DDX6: variants seen among roughly 807,000 people sequenced by gnomAD.
DDX6 encodes probable ATP-dependent RNA helicase DDX6.
DDX6 carries 7 observed loss-of-function variants against 60.6 expected under a neutral mutation model. That is an observed-to-expected ratio of 0.12 (90% CI 0.07 to 0.22). The LOEUF is 0.22. DDX6 is among the 10% of genes least tolerant of loss of function. The pLI, the probability that DDX6 is intolerant of heterozygous loss-of-function variation, is 1.00. For missense variants in DDX6, 270 were observed against 589.9 expected (o/e 0.46, Z 5.62); for synonymous variants, 207 against 201.0 (o/e 1.03, Z -0.25).
rs1860752287 is a variant in DDX6, at chr11:118,751,103, C to CTTAT, written c.*998_*1001dup. On this transcript the variant is annotated 3_prime_UTR_variant, in exon 14 of 14. Transcript: ENST00000534980. ...TATATATATGAACCCAGAAAAAAAA[C>CTTAT]TTATTTACAAAGTTATACAAGTATA... is the stretch of plus-strand genomic sequence containing the variant. The CTTAT allele has an allele frequency of 1.5e-4, 1 of 6,480 alleles. No homozygotes were observed. The highest frequency in any genetic ancestry group is 2.2e-3 in the Admixed American group (1 of 450). The allele number at this position is 6,480 out of a possible 1,614,324, so 0.4% of individuals were successfully genotyped here.
rs113538954 is a variant in DDX6 at position 118,783,138 on chromosome 11, T to C, written c.201-1954A>G. Reference sequence around the variant, plus strand: ...AAGTATTAGAAGTGTTCTGAGACACTTGATGGGATCTAGAGGACTTCATGG... The same window carrying C: ...AAGTATTAGAAGTGTTCTGAGACACCTGATGGGATCTAGAGGACTTCATGG... On this transcript the variant is annotated intron_variant, in intron 2 of 13. Coordinates refer to ENST00000534980, the MANE Select transcript of DDX6 (RefSeq NM_004397.6). Among the ~76,000 whole-genome samples the C allele has an allele frequency of 7.6e-3, 1,152 of 152,132 alleles. 14 individuals are homozygous for C. Among genetic ancestry groups the C allele is most frequent in the African/African-American group, 0.026 (1,092 of 41,534 alleles).
intron 4 of DDX6, among the ~76,000 whole-genome samples, 177 bp downstream of exon 4, chr11:118,779,455 G>A (rs550809312): frequency 5.9e-5 from 9 of 152,158 alleles, no homozygotes; most frequent in African/African-American, 1.2e-4. Flanking sequence ...AATACACACC[G>A]AAATATTTAG....
chr11:118,784,552 G>A (rs1451701186), intron 2 of DDX6, among the ~76,000 whole-genome samples: 1 of 151,272 alleles, frequency 6.6e-6, no homozygotes, highest in Non-Finnish European at 1.5e-5. Flanking sequence ...TCCACCTCTC[G>A]GGTTCAAGTG....
chr11:118,788,720 C>CA (rs984798356), intron 1 of DDX6: 1 of 151,698 alleles, frequency 6.6e-6, no homozygotes, highest in Non-Finnish European at 1.5e-5. Context: ...GACAGAGTCT[C>CA]ACTCTGTTGC....
intron 3 of DDX6, 96 bp downstream of exon 3, chr11:118,781,025 G>C (rs1045965092): frequency 1.8e-5 from 14 of 768,176 alleles, no homozygotes; most frequent in Non-Finnish European, 2.7e-5. Context: ...GTGGTGTTAT[G>C]GTCCTGAAAC....
At chr11:118,779,770 A>G (rs1861825885) in intron 3 of DDX6, 34 bp from the exon 4 acceptor site, 3 of 1,459,676 alleles carry the variant, frequency 2.1e-6, no homozygotes, top group African/African-American at 1.4e-5. Context: ...AAAAGAATAA[A>G]TAACACTGTT....
At chr11:118,781,328 C>G in intron 2 of DDX6, 144 bp from the exon 3 acceptor site, 1 of 584,234 alleles carries the variant, frequency 1.7e-6, no homozygotes. Context: ...AATTAAACAA[C>G]TTTAGAAAAA....
intron 3 of DDX6, 104 bp downstream of exon 3, chr11:118,781,016 TG>T (rs1189885562): frequency 1.8e-4 from 126 of 691,260 alleles, no homozygotes; most frequent in Non-Finnish European, 3.1e-4. Context: ...AGGGTGGCAG[TG>T]GTGTTATGGT....
intron 4 of DDX6, among the ~76,000 whole-genome samples, chr11:118,778,083 T>C (rs1220635158): frequency 1.3e-5 from 2 of 151,688 alleles, no homozygotes; most frequent in African/African-American, 4.8e-5. Context: ...ATAACAGATA[T>C]ATATGGATGA....
intron 2 of DDX6, among the ~76,000 whole-genome samples, chr11:118,784,229 T>C (rs1355702567): frequency 6.6e-6 from 1 of 152,102 alleles, no homozygotes; most frequent in Non-Finnish European, 1.5e-5. Flanking sequence ...AATAACAGAA[T>C]ATACACTAAT....
chr11:118,786,792 T>C (rs1294476272), intron 1 of DDX6: 1 of 153,088 alleles, frequency 6.5e-6, no homozygotes, highest in Non-Finnish European at 1.5e-5. Flanking sequence ...TACTCGTCAA[T>C]GATAATCTCT....
chr11:118,755,555 G>T, intron 11 of DDX6, 52 bp from the exon 12 acceptor site: 1 of 980,150 alleles, frequency 1.0e-6, no homozygotes, highest in South Asian at 1.3e-5. Flanking sequence ...ATGTCTCTCA[G>T]TACAATACTA....
At position 118,786,564 on chromosome 11, in the gene DDX6, CTT is replaced by C. The variant is rs747835258; in HGVS notation, c.-267-48_-267-47del. 7.6e-4 allele frequency: 179 copies of C among 235,968 alleles called. 1 individual carries two copies. The highest frequency in any genetic ancestry group is 1.3e-3 in the Middle Eastern group (1 of 754). The allele number at this position is 235,968 out of a possible 1,614,324, so 14.6% of individuals were successfully genotyped here. ...TAAATTAGCAAACACAACAGAAAAA[CTT>C]TGTTTCCCTTTTAAAAGAACCCCTT... On this transcript the variant is annotated intron_variant, in intron 1 of 13. Coordinates refer to ENST00000534980, the MANE Select transcript of DDX6 (RefSeq NM_004397.6).
chr11:118,769,678 CG>C (rs1861470797), intron 4 of DDX6, among the ~76,000 whole-genome samples: 1 of 152,042 alleles, frequency 6.6e-6, no homozygotes, highest in Admixed American at 6.5e-5. Flanking sequence ...AAAGCTTGAT[CG>C]TTGAAAAATT....
At chr11:118,759,802 G>T in intron 8 of DDX6, 120 bp downstream of exon 8, 1 of 1,150,278 alleles carries the variant, frequency 8.7e-7, no homozygotes, top group Non-Finnish European at 1.2e-6. Flanking sequence ...TGAAGAAAGA[G>T]CCAAAGGCTT....
At chr11:118,790,043 A>G (rs755823080) in intron 1 of DDX6, 1 of 152,224 alleles carries the variant, frequency 6.6e-6, no homozygotes, top group Admixed American at 6.5e-5. Flanking sequence ...TTTCACACCC[A>G]AAACAGTATC....
chr11:118,768,026 A>G (rs536511268), intron 5 of DDX6, 197 bp downstream of exon 5: 222 of 549,142 alleles, frequency 4.0e-4, no homozygotes, highest in Middle Eastern at 1.5e-3. Context: ...TACTCTTAAA[A>G]CTAGAAATCT....
At chr11:118,777,163 C>A (rs188774857) in intron 4 of DDX6, among the ~76,000 whole-genome samples, 7 of 152,246 alleles carry the variant, frequency 4.6e-5, no homozygotes, top group Admixed American at 4.6e-4. Flanking sequence ...CCTTTCCAGA[C>A]TGTAAGACAG....
Position 118,786,214 on chromosome 11 carries a change from C to A in DDX6, c.38G>T (p.Gly13Val), listed in dbSNP as rs1418815486. 6.2e-7 allele frequency: 1 copy of A among 1,613,454 alleles called. No homozygotes were observed. Among genetic ancestry groups the A allele is most frequent in the Non-Finnish European group, 8.5e-7 (1 of 1,179,726 alleles). ...CAGCTGACCATTTTGACTGGACAGA[C>A]CCATTATAACAGGGTTCTCTGTTCT... ...TARTENPVIM[G>V]LSSQNGQLRG... Residue 13 changes from glycine (G) to valine (V), a missense_variant, in exon 2 of 14, where the codon GGT becomes GTT. Gly to Val is a moderately radical substitution (Grantham distance 109). Transcript: ENST00000534980.
Sources: gnomAD v4.1 joint callset for allele counts (sites outside exome capture counted in the v4.1 genomes callset) on GRCh38, gnomAD v4.1.1 for gene constraint, MANE v1.5 for transcripts, NCBI Gene and HGNC (gene_info 2026-07-23, HGNC 2026-07-21) for gene names.